The following CRYGS variants were observed in gnomAD, a reference collection of about 807,000 sequenced individuals.
The protein encoded by CRYGS is crystallin gamma S.
Under a neutral mutation model 21.3 loss-of-function variants are expected in CRYGS, and 13 were observed. The ratio of observed to expected loss-of-function variants is 0.61; its 90% CI spans 0.40 to 0.97. The LOEUF (loss-of-function observed/expected upper bound fraction) is 0.97, where lower values mean the gene tolerates loss of function less well. Ranked by LOEUF, CRYGS falls within the 50% of genes least tolerant of loss-of-function variation. CRYGS has a pLI of 0.00. For missense variants in CRYGS, 205 were observed against 229.7 expected (o/e 0.89, Z 0.69); for synonymous variants, 67 against 75.0 (o/e 0.89, Z 0.55).
chr3:186,538,976 G>A lies in CRYGS; in HGVS notation c.265-8C>T. On this transcript the variant is annotated splice_polypyrimidine_tract_variant and splice_region_variant and intron_variant, in intron 2 of 2. Coordinates refer to ENST00000307944, the MANE Select transcript of CRYGS (RefSeq NM_017541.4). ...ATACTGGCCTCCACTAGGCTGAAAAGACACAGGAGAAAATGAACAGAAACC... is the reference window on the plus strand; with the variant it reads ...ATACTGGCCTCCACTAGGCTGAAAAAACACAGGAGAAAATGAACAGAAACC... 6.2e-7 allele frequency: 1 copy of A among 1,613,794 alleles called. No individual in the cohort carries two copies. The highest frequency in any genetic ancestry group is 8.5e-7 in the Non-Finnish European group (1 of 1,179,944).
chr3:186,542,113 C>T (rs920044173), intron 1 of CRYGS, among the ~76,000 whole-genome samples: 4 of 152,252 alleles, frequency 2.6e-5, no homozygotes, highest in African/African-American at 9.6e-5. Context: ...GCCTTCTGCA[C>T]ATTTGCGTGA....
intron 1 of CRYGS, among the ~76,000 whole-genome samples, chr3:186,543,596 C>T (rs1326611053): frequency 6.6e-6 from 1 of 152,156 alleles, no homozygotes; most frequent in Non-Finnish European, 1.5e-5. Context: ...ATTCATTCAA[C>T]ATTTCTTTGC....
chr3:186,540,628 G>A (rs1189942484), intron 1 of CRYGS: 2 of 196,598 alleles, frequency 1.0e-5, no homozygotes, highest in African/African-American at 4.8e-5. Context: ...TCAATGCTAG[G>A]TTATAAACTG....
chr3:186,543,513 G>A (rs1714114141), intron 1 of CRYGS, among the ~76,000 whole-genome samples: 1 of 152,182 alleles, frequency 6.6e-6, no homozygotes, highest in African/African-American at 2.4e-5. Context: ...TTAATAAAGA[G>A]AGATGGAAAT....
At chr3:186,539,269 AG>A in intron 2 of CRYGS, 85 bp downstream of exon 2, 3 of 1,575,140 alleles carry the variant, frequency 1.9e-6, no homozygotes. Flanking sequence ...GAGGTAGAGA[AG>A]ACTCAAGAAA....
Position 186,538,737 on chromosome 3 carries a change from C to T in CRYGS, c.496G>A (p.Ala166Thr). Residue 166 changes from alanine (A) to threonine (T), a missense_variant, in exon 3 of 3, where the codon GCC (alanine) becomes ACC (threonine). Coordinates refer to ENST00000307944, the MANE Select transcript of CRYGS (RefSeq NM_017541.4). ...CGGAAAGACTGGACAGCTGGGGAGGCTGCACCCCAATCGATGGGCTTCCGG... is the reference window on the plus strand; with the variant it reads ...CGGAAAGACTGGACAGCTGGGGAGGTTGCACCCCAATCGATGGGCTTCCGG... ...EYRKPIDWGA[A>T]SPAVQSFRRI... 6.2e-7 allele frequency: 1 copy of T among 1,614,178 alleles called. No homozygotes were observed.
chr3:186,541,915 G>C (rs1412079048), intron 1 of CRYGS, among the ~76,000 whole-genome samples: 2 of 152,190 alleles, frequency 1.3e-5, no homozygotes, highest in African/African-American at 4.8e-5. Flanking sequence ...GACCTGTGGA[G>C]AGATCTTTAG....
At chr3:186,539,239 A>G in intron 2 of CRYGS, 116 bp downstream of exon 2, 1 of 1,422,062 alleles carries the variant, frequency 7.0e-7, no homozygotes. Flanking sequence ...CTCAGCAGCC[A>G]ACAAGCAGCT....
intron 1 of CRYGS, among the ~76,000 whole-genome samples, chr3:186,543,304 C>T (rs906644412): frequency 4.6e-5 from 7 of 152,046 alleles, no homozygotes; most frequent in Non-Finnish European, 8.8e-5. Context: ...GGGAAAAGTC[C>T]ACCATGAAGC....
chr3:186,544,226 A>C, intron 1 of CRYGS, 80 bp downstream of exon 1: 1 of 992,508 alleles, frequency 1.0e-6, no homozygotes, highest in Non-Finnish European at 1.6e-6. Flanking sequence ...CCTCTAGGCA[A>C]AGAAGCAAAA....
intron 1 of CRYGS, among the ~76,000 whole-genome samples, chr3:186,543,419 G>A (rs1714113039): frequency 6.6e-6 from 1 of 152,028 alleles, no homozygotes; most frequent in Admixed American, 6.6e-5. Flanking sequence ...GTTTATACAG[G>A]GAAATGCCCT....
chr3:186,543,781 T>C (rs929557907), intron 1 of CRYGS, among the ~76,000 whole-genome samples: 1 of 152,136 alleles, frequency 6.6e-6, no homozygotes, highest in African/African-American at 2.4e-5. Context: ...AGTTAAATAT[T>C]TTAGAGGCAA....
chr3:186,544,011 A>G (rs2108745170), intron 1 of CRYGS, among the ~76,000 whole-genome samples: 2 of 152,312 alleles, frequency 1.3e-5, no homozygotes, highest in Admixed American at 1.3e-4. Context: ...TCCTATGGAG[A>G]ATATCAGTTG....
intron 1 of CRYGS, among the ~76,000 whole-genome samples, chr3:186,541,742 G>C (rs1293109779): frequency 6.6e-6 from 1 of 152,220 alleles, no homozygotes; most frequent in Non-Finnish European, 1.5e-5. Context: ...TTGCAGACAA[G>C]CTGGTGGGCT....
chr3:186,539,582 C>A lies in CRYGS; in HGVS notation c.37G>T (p.Asp13Tyr), dbSNP rs769351806. Residue 13 changes from aspartate (D) to tyrosine (Y), a missense_variant, in exon 2 of 3, where the codon GAC (aspartate) becomes TAC (tyrosine). Transcript: ENST00000307944. ...TAGCGACGGCCTTGAAAATTTTTGT[C>A]TTCATAGAAAGTAATCTGAAGTAGA... ...KTGTKITFYE[D>Y]KNFQGRRYDC... 1.2e-6 allele frequency: 2 copies of A among 1,613,982 alleles called. No homozygotes were observed. The highest frequency in any genetic ancestry group is 1.7e-6 in the Non-Finnish European group (2 of 1,179,896).
At chr3:186,541,551 T>C (rs193284430) in intron 1 of CRYGS, among the ~76,000 whole-genome samples, 1 of 152,340 alleles carries the variant, frequency 6.6e-6, no homozygotes, top group Admixed American at 6.5e-5. Context: ...CTACAGCTCT[T>C]CATTGGCAAA....
At position 186,538,812 on chromosome 3, in the gene CRYGS, C is replaced by T. The variant is rs967876042; in HGVS notation, c.421G>A (p.Glu141Lys). The change falls in exon 3 of 3, where the codon GAG (glutamate) becomes AAG (lysine). Residue 141 changes from glutamate (E) to lysine (K), a missense_variant. Glu to Lys is a moderately conservative substitution (Grantham distance 56). Coordinates refer to ENST00000307944, the MANE Select transcript of CRYGS (RefSeq NM_017541.4). The part of the protein sequence containing the change: ...KVLEGVWIFY[E>K]LPNYRGRQYL... ...TGCCTGCCACGGTAGTTGGGTAGCT[C>T]ATAGAAAATCCAGACACCCTCCAGC... 14 of 1,614,108 alleles carry T rather than the reference C, an allele frequency of 8.7e-6. No homozygotes were observed. Among genetic ancestry groups the T allele is most frequent in the Non-Finnish European group, 1.2e-5 (14 of 1,180,018 alleles).
At chr3:186,539,731 CACCTT>C in intron 1 of CRYGS, 134 bp from the exon 2 acceptor site, 1 of 992,878 alleles carries the variant, frequency 1.0e-6, no homozygotes, top group East Asian at 2.6e-5. Flanking sequence ...AGCTGTACGT[CACCTT>C]ACAACATTGC....
At position 186,538,477 on chromosome 3, in the gene CRYGS, T is replaced by C; in HGVS notation, c.*219A>G. On this transcript the variant is annotated 3_prime_UTR_variant, in exon 3 of 3. Coordinates refer to ENST00000307944, the MANE Select transcript of CRYGS (RefSeq NM_017541.4). ...AACCTTTTAATGAGATCTCATTTTG[T>C]TTGGCACAAAGATCTAGATTGGTGA... The C allele has an allele frequency of 3.3e-6, 2 of 604,934 alleles. No homozygotes were observed. Among genetic ancestry groups the C allele is most frequent in the Non-Finnish European group, 5.8e-6 (2 of 343,242 alleles). The allele number at this position is 604,934 out of a possible 1,614,324, so 37.5% of individuals were successfully genotyped here. A position where few individuals can be genotyped will look rare whatever the true frequency, so the allele number is the denominator to read the frequency against.
Sources: allele counts gnomAD v4.1 joint callset (sites outside exome capture counted in the v4.1 genomes callset), GRCh38; gene constraint gnomAD v4.1.1; transcripts MANE v1.5; gene names NCBI Gene and HGNC (gene_info 2026-07-23, HGNC 2026-07-21).